The following LARGE1 variants were observed in gnomAD, a reference collection of about 807,000 sequenced individuals.
LARGE1 encodes the protein LARGE xylosyl- and glucuronyltransferase 1.
In LARGE1, 43 loss-of-function variants were observed where a neutral mutation model predicts 87.6. That is an observed-to-expected ratio of 0.49 (90% CI 0.38 to 0.63). The LOEUF is 0.63. Among genes scored for constraint, LARGE1 ranks in the 30% least tolerant of loss-of-function variants. LARGE1 has a pLI of 0.00. For synonymous variants in LARGE1, 434 were observed against 394.6 expected, an observed-to-expected ratio of 1.10 and a Z score of -1.18; for missense variants, 802 against 1,000.2, an observed-to-expected ratio of 0.80 and a Z score of 2.67.
At chr22:33,529,553 C>G (rs769916817) in intron 6 of LARGE1, among the ~76,000 whole-genome samples, 3 of 152,196 alleles carry the variant, frequency 2.0e-5, no homozygotes, top group Admixed American at 2.0e-4. Flanking sequence ...GGAAAGATGA[C>G]GAGGCTCACA....
intron 11 of LARGE1, among the ~76,000 whole-genome samples, chr22:33,177,155 G>A (rs116571482): frequency 0.026 from 4,018 of 152,146 alleles, 182 homozygotes; most frequent in African/African-American, 0.092. Flanking sequence ...TGGGCCTGTC[G>A]GGGCTGGGGG....
intron 6 of LARGE1, among the ~76,000 whole-genome samples, chr22:33,466,519 T>C (rs2068616022): frequency 6.6e-6 from 1 of 152,066 alleles, no homozygotes; most frequent in Non-Finnish European, 1.5e-5. Flanking sequence ...CTGCATTAAA[T>C]TTGAAGATAT....
At chr22:33,205,004 C>T (rs951121405) in intron 11 of LARGE1, among the ~76,000 whole-genome samples, 4 of 151,200 alleles carry the variant, frequency 2.6e-5, no homozygotes, top group African/African-American at 7.3e-5. Flanking sequence ...GAAATGAAAA[C>T]GAATGGACAA....
chr22:33,356,332 G>T (rs964090022), intron 9 of LARGE1, among the ~76,000 whole-genome samples: 1 of 152,268 alleles, frequency 6.6e-6, no homozygotes, highest in East Asian at 1.9e-4. Context: ...GTCACCCAAG[G>T]TCCCGTCTGC....
intron 2 of LARGE1, among the ~76,000 whole-genome samples, chr22:33,680,391 A>G (rs1317676201): frequency 1.3e-5 from 2 of 149,936 alleles, no homozygotes; most frequent in Non-Finnish European, 2.9e-5. Flanking sequence ...TATTTTTACA[A>G]TAACTACTGA....
At chr22:33,727,015 G>A (rs16992899) in intron 2 of LARGE1, among the ~76,000 whole-genome samples, 2,294 of 152,292 alleles carry the variant, frequency 0.015, 56 homozygotes, top group African/African-American at 0.051. Context: ...TGGAAAAGCC[G>A]GGTAGGGAGA....
At chr22:33,711,941 G>A (rs982170208) in intron 2 of LARGE1, among the ~76,000 whole-genome samples, 8 of 152,178 alleles carry the variant, frequency 5.3e-5, no homozygotes, top group South Asian at 4.1e-4. Flanking sequence ...GACTGTAGGC[G>A]TGAGCCACCG....
chr22:33,517,801 T>G (rs1055164332), intron 6 of LARGE1, among the ~76,000 whole-genome samples: 1 of 152,202 alleles, frequency 6.6e-6, no homozygotes, highest in African/African-American at 2.4e-5. Flanking sequence ...ATGCATGGCC[T>G]CAGTCCTGCA....
chr22:33,754,316 T>A (rs1482363381), intron 2 of LARGE1, among the ~76,000 whole-genome samples: 3 of 151,758 alleles, frequency 2.0e-5, no homozygotes. Flanking sequence ...CACTAACACT[T>A]ATTAAACATT....
At chr22:33,740,086 T>C (rs2083821351) in intron 2 of LARGE1, among the ~76,000 whole-genome samples, 1 of 152,132 alleles carries the variant, frequency 6.6e-6, no homozygotes, top group Admixed American at 6.5e-5. Context: ...ACACCACATC[T>C]GGCATACGAT....
chr22:33,767,183 G>A (rs1018555191), intron 1 of LARGE1, among the ~76,000 whole-genome samples: 6 of 150,642 alleles, frequency 4.0e-5, no homozygotes, highest in Admixed American at 1.3e-4. Context: ...TCAGCTGGAC[G>A]TGGTGGTGCA....
In LARGE1 at chr22:33,272,749, G is replaced by A. The variant is rs1260095936; in HGVS notation, c.*1678C>T. 1 of 152,106 alleles carries A rather than the reference G, an allele frequency of 6.6e-6. No individual in the cohort carries two copies. Among genetic ancestry groups the A allele is most frequent in the Non-Finnish European group, 1.5e-5 (1 of 68,020 alleles). The allele number at this position is 152,106 out of a possible 1,614,324, so 9.4% of individuals were successfully genotyped here. A position where few individuals can be genotyped will look rare whatever the true frequency, so the allele number is the denominator to read the frequency against. ...TGATCTCACAAACCGGATTGCTATAGGGTCCCACATGACTACCAGGCCCAA... is the reference window on the plus strand; with the variant it reads ...TGATCTCACAAACCGGATTGCTATAAGGTCCCACATGACTACCAGGCCCAA... On this transcript the variant is annotated 3_prime_UTR_variant, in exon 15 of 15. Transcript: ENST00000397394.
chr22:33,342,791 TGGG>T (rs1305519001), intron 9 of LARGE1, among the ~76,000 whole-genome samples: 1 of 152,104 alleles, frequency 6.6e-6, no homozygotes, highest in Non-Finnish European at 1.5e-5. Flanking sequence ...AGAAGGAAGA[TGGG>T]GGAGTGGATG....
At chr22:33,220,316 A>T (rs1358983787) in intron 11 of LARGE1, among the ~76,000 whole-genome samples, 1 of 152,224 alleles carries the variant, frequency 6.6e-6, no homozygotes, top group African/African-American at 2.4e-5. Context: ...TAATAAAACA[A>T]TATATGTTTG....
rs374603843 is a variant in LARGE1, at chr22:33,707,117, G to A, written c.106+54254C>T. ...TTCAGTAGATCCAGAACTGGCACGCGAGACCAATTCTAGCTGAATAATATC... is the reference window on the plus strand; with the variant it reads ...TTCAGTAGATCCAGAACTGGCACGCAAGACCAATTCTAGCTGAATAATATC... On this transcript the variant is annotated intron_variant, in intron 2 of 14. Coordinates refer to ENST00000397394, the MANE Select transcript of LARGE1 (RefSeq NM_133642.5). Among the ~76,000 whole-genome samples, 209 of 152,318 alleles carry A rather than the reference G, an allele frequency of 1.4e-3. 2 individuals are homozygous for A. Among genetic ancestry groups the A allele is most frequent in the African/African-American group, 4.7e-3 (196 of 41,574 alleles).
At chr22:33,097,152 T>A in the LARGE1 span, among the ~76,000 whole-genome samples, 2 of 152,190 alleles carry the variant, frequency 1.3e-5, no homozygotes, top group Non-Finnish European at 2.9e-5. Flanking sequence ...ATGGATGAGA[T>A]AGCCCACGGA....
At chr22:33,541,628 GT>G (rs1461782586) in intron 6 of LARGE1, among the ~76,000 whole-genome samples, 1 of 151,284 alleles carries the variant, frequency 6.6e-6, no homozygotes, top group Non-Finnish European at 1.5e-5. Context: ...GTCAATTCTT[GT>G]TTTTTCCTTC....
chr22:33,903,010 T>C (rs778778381), intron 1 of LARGE1, among the ~76,000 whole-genome samples: 1 of 152,126 alleles, frequency 6.6e-6, no homozygotes, highest in Non-Finnish European at 1.5e-5. Flanking sequence ...CGAGTGCCTG[T>C]AATCCCAGCT....
chr22:33,323,879 C>T (rs977066793), intron 10 of LARGE1, among the ~76,000 whole-genome samples: 5 of 152,158 alleles, frequency 3.3e-5, no homozygotes, highest in African/African-American at 7.2e-5. Context: ...AATTTAGGCT[C>T]GCTTATTCCT....
Sources: allele counts gnomAD v4.1 joint callset (sites outside exome capture counted in the v4.1 genomes callset), GRCh38; gene constraint gnomAD v4.1.1; transcripts MANE v1.5; gene names NCBI Gene and HGNC (gene_info 2026-07-23, HGNC 2026-07-21).